MID1: variants seen among roughly 807,000 people sequenced by gnomAD.
MID1 encodes the protein midline 1.
Under a neutral mutation model 40.4 loss-of-function variants are expected in MID1, and 7 were observed. The observed-to-expected ratio is 0.17, with a 90% CI of 0.10 to 0.33. MID1 has a LOEUF of 0.33. Among genes scored for constraint, MID1 ranks in the 10% least tolerant of loss-of-function variants. MID1 has a pLI of 1.00. For missense variants in MID1, 367 were observed against 558.5 expected (o/e 0.66, Z 3.46); for synonymous variants, 229 against 221.2 (o/e 1.04, Z -0.31).
chrX:10,482,775 C>T (rs780658771), intron 4 of MID1, 147 bp from the exon 5 acceptor site: 3 of 582,821 alleles, frequency 5.1e-6, no homozygotes, highest in South Asian at 2.6e-5. Flanking sequence ...ATATGGAAAG[C>T]TCCGTTATGG....
chrX:10,726,886 T>A (rs2147099876), intron 1 of MID1, among the ~76,000 whole-genome samples: 1 of 112,635 alleles, frequency 8.9e-6, no homozygotes, highest in South Asian at 3.7e-4. Flanking sequence ...CAGGAATCAG[T>A]GGGCAAAGAT....
At chrX:10,542,074 G>T (rs1449294808) in intron 2 of MID1, among the ~76,000 whole-genome samples, 2 of 111,983 alleles carry the variant, frequency 1.8e-5, no homozygotes, top group African/African-American at 6.5e-5. Context: ...TAACAAACCT[G>T]GATAATATCA....
intron 2 of MID1, among the ~76,000 whole-genome samples, chrX:10,538,859 G>T (rs993721425): frequency 1.2e-4 from 13 of 112,323 alleles, no homozygotes; most frequent in African/African-American, 3.9e-4. Flanking sequence ...TGCAACCAAA[G>T]ATTTCCTGAC....
intron 1 of MID1, among the ~76,000 whole-genome samples, chrX:10,784,690 C>T (rs1246379265): frequency 1.8e-5 from 2 of 110,383 alleles, no homozygotes; most frequent in Non-Finnish European, 3.8e-5. Context: ...TGGTAATCCG[C>T]CTGCCTCGGC....
chrX:10,510,253 A>G (rs1411603403), intron 3 of MID1, among the ~76,000 whole-genome samples: 3 of 111,495 alleles, frequency 2.7e-5, no homozygotes, highest in Non-Finnish European at 5.6e-5. Flanking sequence ...CTTAAGGGAC[A>G]GTTTAATGGA....
chrX:10,733,714 C>T (rs2043468189), intron 1 of MID1, among the ~76,000 whole-genome samples: 1 of 111,937 alleles, frequency 8.9e-6, no homozygotes, highest in African/African-American at 3.2e-5. Flanking sequence ...CCAATAAGCA[C>T]AGGGAAATGT....
At chrX:10,672,009 G>A (rs2042989792) in intron 1 of MID1, among the ~76,000 whole-genome samples, 1 of 111,487 alleles carries the variant, frequency 9.0e-6, no homozygotes, top group Admixed American at 9.5e-5. Context: ...TGGACCGCTT[G>A]AGCCCAGGAG....
At chrX:10,572,115 CTCTCTCTCTCTCTT>C (rs1346318599) in intron 1 of MID1, among the ~76,000 whole-genome samples, 2 of 107,506 alleles carry the variant, frequency 1.9e-5, no homozygotes, top group African/African-American at 6.9e-5. Context: ...CTCTCTCTCT[CTCTCTCTCTCTCTT>C]TCTCTCTCCC....
chrX:10,525,871 C>A (rs1326655239), intron 2 of MID1, among the ~76,000 whole-genome samples: 2 of 112,122 alleles, frequency 1.8e-5, no homozygotes. Flanking sequence ...CCCTATGTGT[C>A]CACTGAAGTC....
At chrX:10,631,912 A>G (rs1936057025) in intron 1 of MID1, among the ~76,000 whole-genome samples, 1 of 111,752 alleles carries the variant, frequency 8.9e-6, no homozygotes, top group Non-Finnish European at 1.9e-5. Flanking sequence ...ACAGGAAGCA[A>G]TTGTTCAGAC....
At chrX:10,646,894 G>A (rs185442378) in intron 1 of MID1, among the ~76,000 whole-genome samples, 1,807 of 111,727 alleles carry the variant, frequency 0.016, 31 homozygotes, top group African/African-American at 0.056. Context: ...TGCAGAAAAA[G>A]AAGGTGTGAA....
chrX:10,584,388 C>T (rs1188401069), intron 1 of MID1, among the ~76,000 whole-genome samples: 2 of 111,639 alleles, frequency 1.8e-5, no homozygotes, highest in Non-Finnish European at 3.8e-5. Context: ...CATGGATGTA[C>T]AGTTAAGCTT....
chrX:10,536,442 T>C lies in MID1; in HGVS notation c.661-13255A>G, dbSNP rs151083358. 5.1e-3 allele frequency among the ~76,000 whole-genome samples: 572 copies of C among 113,043 alleles called. 5 individuals are homozygous for C. The highest frequency in any genetic ancestry group is 0.017 in the African/African-American group (542 of 31,162). ...GGGTCACTGTATTTTGGAAGTGAAC[T>C]AGCTCTCAGTTCCCTGAACTATATT... On this transcript the variant is annotated intron_variant, in intron 2 of 9. Transcript: ENST00000317552.
chrX:10,729,860 G>A (rs932829198), intron 1 of MID1, among the ~76,000 whole-genome samples: 21 of 111,082 alleles, frequency 1.9e-4, no homozygotes, highest in Middle Eastern at 4.7e-3. Context: ...TGAGGCGGGC[G>A]GATCACAAGG....
intron 2 of MID1, among the ~76,000 whole-genome samples, chrX:10,552,115 C>T (rs1407718728): frequency 4.6e-5 from 5 of 108,898 alleles, no homozygotes; most frequent in Non-Finnish European, 7.6e-5. Flanking sequence ...CTTTGTGAAT[C>T]CGGCCCAAAG....
chrX:10,686,306 C>T (rs993990495), intron 1 of MID1, among the ~76,000 whole-genome samples: 7 of 110,847 alleles, frequency 6.3e-5, no homozygotes, highest in Non-Finnish European at 1.1e-4. Context: ...GGATTAGGTT[C>T]CACCTTCTTC....
intron 1 of MID1, among the ~76,000 whole-genome samples, chrX:10,828,064 TTG>T (rs1302741131): frequency 9.0e-6 from 1 of 111,438 alleles, no homozygotes; most frequent in Admixed American, 9.5e-5. Flanking sequence ...TAAGAAAACA[TTG>T]TGTTATAGAT....
Position 10,684,568 on chromosome X carries a change from A to AT in MID1, c.-186-64150dup, listed in dbSNP as rs747673638. 3.6e-3 allele frequency among the ~76,000 whole-genome samples: 348 copies of AT among 97,660 alleles called. 1 individual carries two copies. The highest frequency in any genetic ancestry group is 0.011 in the South Asian group (23 of 2,156). The allele number at this position is 97,660 out of a possible 115,157, so 84.8% of individuals were successfully genotyped here. On this transcript the variant is annotated intron_variant, in intron 1 of 10. Transcript: ENST00000380785. ...ACAGGCGTGTGCCACCATGCCGGCT[A>AT]TTTTTTTTTTTGTATTTTTTTTAGT...
intron 1 of MID1, among the ~76,000 whole-genome samples, chrX:10,766,547 A>G (rs180825584): frequency 2.0e-3 from 230 of 112,425 alleles, no homozygotes; most frequent in Middle Eastern, 0.018. Flanking sequence ...GCAGATGAGA[A>G]GAATCAAAAT....
Sources: gnomAD v4.1 joint callset for allele counts (sites outside exome capture counted in the v4.1 genomes callset) on GRCh38, gnomAD v4.1.1 for gene constraint, MANE v1.5 for transcripts, NCBI Gene and HGNC (gene_info 2026-07-23, HGNC 2026-07-21) for gene names.